The following MAML1 variants were observed in gnomAD, a reference collection of about 807,000 sequenced individuals.
MAML1 encodes mastermind-like protein 1.
MAML1 carries 14 observed loss-of-function variants against 77.1 expected under a neutral mutation model. That is an observed-to-expected ratio of 0.18 (90% confidence interval 0.12 to 0.28). The LOEUF (loss-of-function observed/expected upper bound fraction) is 0.28. Among genes scored for constraint, MAML1 ranks in the 10% least tolerant of loss-of-function variants. The probability of loss-of-function intolerance (pLI) is 1.00; values close to 1 mark genes in which losing one functional copy is unlikely to be tolerated. For synonymous variants in MAML1, 516 were observed against 551.9 expected (o/e 0.93, Z 0.91); for missense variants, 1,217 against 1,327.8 (o/e 0.92, Z 1.30).
rs1299820190 is a variant in MAML1 at position 179,733,133 on chromosome 5, C to G, written c.21C>G (p.Pro7=). ...GGCCCATGGTGCTGCCCACCTGCCC[C>G]ATGGCGGAGTTCGCGCTGCCGCGGC... The part of the protein sequence containing the change: MVLPTC[P]MAEFALPRHS... Residue 7 remains proline (P), a synonymous_variant, in exon 1 of 5, where the codon CCC becomes CCG. Coordinates refer to ENST00000292599, the MANE Select transcript of MAML1 (RefSeq NM_014757.5). 9 of 1,442,924 alleles carry G rather than the reference C, an allele frequency of 6.2e-6. No individual in the cohort carries two copies. The highest frequency in any genetic ancestry group is 8.2e-6 in the Non-Finnish European group (9 of 1,100,468). The allele number at this position is 1,442,924 out of a possible 1,614,324, so 89.4% of individuals were successfully genotyped here.
intron 1 of MAML1, among the ~76,000 whole-genome samples, chr5:179,745,332 G>C (rs936176306): frequency 6.6e-6 from 1 of 152,162 alleles, no homozygotes; most frequent in Non-Finnish European, 1.5e-5. Flanking sequence ...GTTACTTGTA[G>C]CCAAAGTAAG....
chr5:179,753,654 ATTT>A (rs1209995171), intron 1 of MAML1, among the ~76,000 whole-genome samples: 6 of 88,848 alleles, frequency 6.8e-5, no homozygotes, highest in African/African-American at 2.2e-4. Context: ...TATTATTATT[ATTT>A]TTTTTTTTTT....
intron 1 of MAML1, among the ~76,000 whole-genome samples, chr5:179,747,724 G>A (rs192057513): frequency 9.2e-5 from 13 of 141,840 alleles, no homozygotes; most frequent in Non-Finnish European, 1.7e-4. Flanking sequence ...GCAGGAGAAT[G>A]GCGTGAACCC....
chr5:179,753,651 ATTATTT>A (rs1457488906), intron 1 of MAML1, among the ~76,000 whole-genome samples: 3 of 66,384 alleles, frequency 4.5e-5, no homozygotes, highest in Non-Finnish European at 5.5e-5. Context: ...TATTATTATT[ATTATTT>A]TTTTTTTTTT....
rs775912663 is a variant in MAML1, at chr5:179,766,406, A to C, written c.1396A>C (p.Met466Leu). 1.9e-6 allele frequency: 3 copies of C among 1,612,424 alleles called. No homozygotes were observed. In the African/African-American group the frequency reaches 4.0e-5, roughly 22 times the overall value. The change falls in exon 2 of 5, where the codon ATG (methionine) becomes CTG (leucine). Residue 466 changes from methionine to leucine, a missense_variant. By Grantham distance (15) the Met-to-Leu change is conservative. Transcript: ENST00000292599. The surrounding 1 kb of genome is among the most constrained non-coding windows in gnomAD (Gnocchi z 4.0). ...KQDFTNSKLLMMPSVNKSSPR... is the reference protein window; with the variant it reads ...KQDFTNSKLLLMPSVNKSSPR... ...AGACTTCACTAACTCCAAACTGCTC[A>C]TGATGCCTAGTGTGAATAAGAGTTC... is the stretch of plus-strand genomic sequence containing the variant.
chr5:179,767,118 T>TTTTA (rs1554151840), intron 2 of MAML1, among the ~76,000 whole-genome samples: 1 of 128,552 alleles, frequency 7.8e-6, no homozygotes, highest in African/African-American at 2.9e-5. Flanking sequence ...TTTTTTTTTT[T>TTTTA]ACTACCTTTC....
rs1779177632 is a variant in MAML1 at position 179,736,701 on chromosome 5, C to T, written c.315+3274C>T. Among the ~76,000 whole-genome samples, 4 of 152,078 alleles carry T rather than the reference C, an allele frequency of 2.6e-5. No homozygotes were observed. In the South Asian group the frequency reaches 8.3e-4, roughly 31 times the overall value. On this transcript the variant is annotated intron_variant, in intron 1 of 4. Transcript: ENST00000292599. ...GGGGGGCCGGGAGCAGTGGTTGACT[C>T]CTGTAATCCCAGCACTTTGGGAGGC... is the stretch of plus-strand genomic sequence containing the variant.
Position 179,736,032 on chromosome 5 carries a change from A to G in MAML1, c.315+2605A>G, listed in dbSNP as rs187072046. Among the ~76,000 whole-genome samples, 447 of 152,234 alleles carry G rather than the reference A, an allele frequency of 2.9e-3. 4 individuals are homozygous for G. Among genetic ancestry groups the G allele is most frequent in the African/African-American group, 0.01 (424 of 41,532 alleles). ...ATGGTCACTTGTTACTTTAGGTCGC[A>G]TCTTTTCAACTAGACTGTCAGCTCT... is the stretch of plus-strand genomic sequence containing the variant. On this transcript the variant is annotated intron_variant, in intron 1 of 4. Coordinates refer to ENST00000292599, the MANE Select transcript of MAML1 (RefSeq NM_014757.5).
intron 1 of MAML1, among the ~76,000 whole-genome samples, chr5:179,743,183 G>C (rs1779314901): frequency 6.6e-6 from 1 of 151,258 alleles, no homozygotes; most frequent in Admixed American, 6.6e-5. Context: ...CTCCCGGGTA[G>C]CTGGGATTAC....
chr5:179,768,006 T>C (rs180712728), intron 2 of MAML1, among the ~76,000 whole-genome samples: 79 of 152,378 alleles, frequency 5.2e-4, no homozygotes, highest in African/African-American at 1.8e-3. Context: ...ATTCTCAGTA[T>C]TTTTTGAGGA....
chr5:179,767,537 A>G (rs4312840), intron 2 of MAML1, among the ~76,000 whole-genome samples: 1,420 of 49,010 alleles, frequency 0.029, 7 homozygotes, highest in Non-Finnish European at 0.059. Context: ...AATCCAAAAT[A>G]AAAGAAAAAG....
chr5:179,747,140 T>C (rs1293444657), intron 1 of MAML1, among the ~76,000 whole-genome samples: 1 of 152,238 alleles, frequency 6.6e-6, no homozygotes, highest in African/African-American at 2.4e-5. Flanking sequence ...TACAGATGTG[T>C]GCCAATGCAC....
At position 179,773,880 on chromosome 5, in the gene MAML1, TTC is replaced by T. The variant is rs1276930271; in HGVS notation, c.2069-11_2069-10del. On this transcript the variant is annotated splice_polypyrimidine_tract_variant and intron_variant, in intron 4 of 4. Transcript: ENST00000292599. The stretch of plus-strand genomic sequence containing the variant: ...TGGTCGACTCCTGACTGCCAGACTC[TTC>T]TCTGTCTTGTAGGGTCCTCTGCTGC... 6.2e-7 allele frequency: 1 copy of T among 1,600,276 alleles called. No homozygotes were observed. Among genetic ancestry groups the T allele is most frequent in the Non-Finnish European group, 8.5e-7 (1 of 1,170,076 alleles).
intron 1 of MAML1, among the ~76,000 whole-genome samples, chr5:179,738,407 CAG>C (rs1779214348): frequency 6.6e-6 from 1 of 152,106 alleles, no homozygotes; most frequent in Non-Finnish European, 1.5e-5. Flanking sequence ...GAATATAAAA[CAG>C]ATACTGTACT....
chr5:179,748,602 G>A (rs990929896), intron 1 of MAML1, among the ~76,000 whole-genome samples: 1 of 152,208 alleles, frequency 6.6e-6, no homozygotes, highest in African/African-American at 2.4e-5. Flanking sequence ...CAGGAAGAGA[G>A]AAAACAAGGT....
At chr5:179,762,666 G>T (rs893989741) in intron 1 of MAML1, among the ~76,000 whole-genome samples, 5 of 152,210 alleles carry the variant, frequency 3.3e-5, no homozygotes, top group African/African-American at 1.2e-4. Flanking sequence ...AGCACCTTCT[G>T]TGTCTGTTCT....
chr5:179,739,688 A>G (rs1779242692), intron 1 of MAML1, among the ~76,000 whole-genome samples: 1 of 152,258 alleles, frequency 6.6e-6, no homozygotes, highest in South Asian at 2.1e-4. Context: ...TGCATCAAAA[A>G]TAAATAAAAA....
intron 1 of MAML1, among the ~76,000 whole-genome samples, chr5:179,753,442 T>G (rs1779544886): frequency 6.6e-6 from 1 of 152,110 alleles, no homozygotes; most frequent in African/African-American, 2.4e-5. Context: ...CCAGATCCAT[T>G]TGGACAAGTA....
intron 1 of MAML1, among the ~76,000 whole-genome samples, chr5:179,753,632 G>C (rs1779548776): frequency 6.9e-6 from 1 of 143,888 alleles, no homozygotes; most frequent in Non-Finnish European, 1.5e-5. Context: ...GTTTCTGTTT[G>C]GGTTGTTTTA....
Sources: allele counts gnomAD v4.1 joint callset (sites outside exome capture counted in the v4.1 genomes callset), GRCh38; gene constraint gnomAD v4.1.1; non-coding constraint Gnocchi (gnomAD v3.1); transcripts MANE v1.5; gene names NCBI Gene and HGNC (gene_info 2026-07-23, HGNC 2026-07-21).